Variants in HEATR4 observed in about 807,000 individuals in gnomAD.
The protein encoded by HEATR4 is HEAT repeat containing 4.
A neutral mutation model predicts 108.8 loss-of-function variants in HEATR4; 95 were observed. That is an observed-to-expected ratio of 0.87 (90% CI 0.74 to 1.04). The LOEUF is 1.04. Ranked by LOEUF, HEATR4 falls within the 50% of genes least tolerant of loss-of-function variation. The pLI is 0.00. For synonymous variants in HEATR4, 443 were observed against 459.4 expected (o/e 0.96, Z 0.46); for missense variants, 1,152 against 1,253.8 (o/e 0.92, Z 1.23).
intron 17 of HEATR4, among the ~76,000 whole-genome samples, chr14:73,479,989 A>T (rs1885181798): frequency 6.6e-6 from 1 of 152,228 alleles, no homozygotes; most frequent in Non-Finnish European, 1.5e-5. Context: ...CCAGAGTTCG[A>T]TATATGTTCA....
rs1309967008 is a variant in HEATR4 at position 73,495,202 on chromosome 14, A to G, written c.2785+26T>C. On this transcript the variant is annotated intron_variant, in intron 16 of 17. Transcript: ENST00000553558. The stretch of plus-strand genomic sequence containing the variant: ...AGAGGCTTATTAAAGGAATCAAGGC[A>G]TGGAACTCACCCCTAGGAAACCTAC... 6 of 1,602,752 alleles carry G rather than the reference A, an allele frequency of 3.7e-6. No homozygotes were observed. The Admixed American group carries it at 6.8e-5, about 18-fold the overall frequency.
At chr14:73,560,869 C>T (rs1050795748), upstream of HEATR4, among the ~76,000 whole-genome samples, 8 of 151,714 alleles carry the variant, frequency 5.3e-5, no homozygotes, top group African/African-American at 1.9e-4. Flanking sequence ...TATAGAATTA[C>T]TATGTGATCC....
the HEATR4 span, chr14:73,592,052 G>A: frequency 6.8e-7 from 1 of 1,478,630 alleles, no homozygotes. Context: ...CGGAGCAGCG[G>A]GTTACGCTGC....
intron 3 of HEATR4, among the ~76,000 whole-genome samples, chr14:73,521,382 C>T (rs547696050): frequency 4.2e-4 from 64 of 152,244 alleles, no homozygotes; most frequent in Middle Eastern, 3.4e-3. Context: ...ATCCCACCTC[C>T]TTCGTCATCT....
chr14:73,592,053 G>A, the HEATR4 span: 3 of 1,478,416 alleles, frequency 2.0e-6, no homozygotes, highest in African/African-American at 1.5e-5. Context: ...GGAGCAGCGG[G>A]TTACGCTGCG....
At chr14:73,589,036 C>T in the HEATR4 span, among the ~76,000 whole-genome samples, 4 of 152,152 alleles carry the variant, frequency 2.6e-5, no homozygotes, top group African/African-American at 9.7e-5. Flanking sequence ...CTATCAACAT[C>T]CCCCACCAGA....
intron 1 of HEATR4, among the ~76,000 whole-genome samples, chr14:73,549,650 G>A (rs1395275500): frequency 1.1e-5 from 1 of 87,604 alleles, no homozygotes; most frequent in African/African-American, 3.6e-5. Context: ...CCTGAGGCAA[G>A]CCATTTTTAG....
intron 17 of HEATR4, chr14:73,491,802 T>C (rs781351953): frequency 6.3e-7 from 1 of 1,597,142 alleles, no homozygotes; most frequent in Non-Finnish European, 8.5e-7. Context: ...GGCCAGCATT[T>C]GGACGCCGCT....
chr14:73,507,239 A>C (rs567686993), intron 9 of HEATR4, among the ~76,000 whole-genome samples: 1 of 152,324 alleles, frequency 6.6e-6, no homozygotes, highest in Admixed American at 6.5e-5. Context: ...AGCAGAAGCA[A>C]ATTCTACATG....
chr14:73,531,609 A>G (rs142897253), intron 1 of HEATR4, among the ~76,000 whole-genome samples: 1,169 of 107,944 alleles, frequency 0.011, 165 homozygotes, highest in African/African-American at 0.032. Context: ...GGGTTTCACC[A>G]TATTGGCCAG....
chr14:73,509,467 G>T lies in HEATR4; in HGVS notation c.1565C>A (p.Thr522Asn). The T allele has an allele frequency of 6.2e-7, 1 of 1,613,840 alleles. No homozygotes were observed. Among genetic ancestry groups the T allele is most frequent in the Non-Finnish European group, 8.5e-7 (1 of 1,179,994 alleles). ...IATSQRDSDK[T>N]IQDLPEVLLP... is the part of the protein sequence containing the mutation. Reference sequence around the variant, plus strand: ...TAGAACCTCCGGCAAGTCCTGGATGGTCTTGTCTGTGATCAAAAGAGCCAG... The same window carrying T: ...TAGAACCTCCGGCAAGTCCTGGATGTTCTTGTCTGTGATCAAAAGAGCCAG... The change falls in exon 8 of 18, where the codon ACC becomes AAC. Residue 522 changes from threonine to asparagine, a missense_variant. Coordinates refer to ENST00000553558, the MANE Select transcript of HEATR4 (RefSeq NM_001220484.1).
the HEATR4 span, among the ~76,000 whole-genome samples, chr14:73,607,021 C>A: frequency 6.6e-6 from 1 of 152,196 alleles, no homozygotes; most frequent in East Asian, 1.9e-4. Flanking sequence ...GGTCATAAAA[C>A]AAGATGGAGG....
At position 73,539,724 on chromosome 14, in the gene HEATR4, G is replaced by A. The variant is rs1239223824; in HGVS notation, c.-151-9480C>T. ...GGCGGCTGAAGCCCCACAGGATGCC[G>A]TCTGGAAGCTGCCAGCACGCGGTCC... On this transcript the variant is annotated intron_variant, in intron 1 of 17. Transcript: ENST00000553558. The A allele has an allele frequency of 3.4e-5, 4 of 119,032 alleles. 1 individual carries two copies. Among genetic ancestry groups the A allele is most frequent in the African/African-American group, 8.2e-5 (3 of 36,374 alleles). 7.4% of individuals were successfully genotyped at this position (119,032 alleles called of 1,614,324 possible). A position where few individuals can be genotyped will look rare whatever the true frequency, so the allele number is the denominator to read the frequency against.
chr14:73,508,181 T>C lies in HEATR4; in HGVS notation c.1834A>G (p.Thr612Ala). The C allele has an allele frequency of 1.2e-6, 2 of 1,614,136 alleles. No individual in the cohort carries two copies. Among genetic ancestry groups the C allele is most frequent in the South Asian group, 1.1e-5 (1 of 91,084 alleles). Reference protein sequence around the residue: ...HQLFTKKNEDTEEQSYILLSY... With the variant: ...HQLFTKKNEDAEEQSYILLSY... ...AGGAGGATATAAGACTGTTCCTCAG[T>C]GTCCTCATTCTTCTTTGTAAACAGC... is the stretch of plus-strand genomic sequence containing the variant. Residue 612 changes from threonine (T) to alanine (A), a missense_variant, in exon 9 of 18, where the codon ACT becomes GCT. Transcript: ENST00000553558.
chr14:73,595,584 G>A, the HEATR4 span: 633 of 1,574,240 alleles, frequency 4.0e-4, no homozygotes, highest in Non-Finnish European at 5.4e-4. Context: ...GAAGATGCCT[G>A]GAAGCAAATT....
At chr14:73,629,793 C>T in the HEATR4 span, among the ~76,000 whole-genome samples, 15 of 151,758 alleles carry the variant, frequency 9.9e-5, no homozygotes, top group Admixed American at 7.2e-4. Flanking sequence ...TACAGGCACC[C>T]GCCACCAAGC....
At chr14:73,484,122 G>T (rs1006477547) in intron 17 of HEATR4, among the ~76,000 whole-genome samples, 1 of 151,996 alleles carries the variant, frequency 6.6e-6, no homozygotes, top group African/African-American at 2.4e-5. Flanking sequence ...CTCCCAAAGT[G>T]CTGGGATTGC....
the HEATR4 span, chr14:73,613,139 G>C: frequency 2.0e-6 from 1 of 491,028 alleles, no homozygotes; most frequent in African/African-American, 2.0e-5. Context: ...CTTCGCTCCA[G>C]AGTCTGTCAT....
At chr14:73,572,035 G>GT in the HEATR4 span, among the ~76,000 whole-genome samples, 1 of 151,040 alleles carries the variant, frequency 6.6e-6, no homozygotes, top group Non-Finnish European at 1.5e-5. Context: ...TTGCTGACCA[G>GT]TATGTGGAGG....
Sources: allele counts gnomAD v4.1 joint callset (sites outside exome capture counted in the v4.1 genomes callset), GRCh38; gene constraint gnomAD v4.1.1; transcripts MANE v1.5; gene names NCBI Gene and HGNC (gene_info 2026-07-23, HGNC 2026-07-21).